The following GNG12 variants were observed in gnomAD, a reference collection of about 807,000 sequenced individuals.
GNG12 encodes the protein guanine nucleotide-binding protein G(I)/G(S)/G(O) subunit gamma-12.
For missense variants in GNG12, 69 were observed against 83.8 expected (o/e 0.82, Z 0.69); for synonymous variants, 28 against 29.7 (o/e 0.94, Z 0.19).
At chr1:67,736,823 C>T (rs1242071758) in intron 2 of GNG12, among the ~76,000 whole-genome samples, 1 of 152,196 alleles carries the variant, frequency 6.6e-6, no homozygotes, top group African/African-American at 2.4e-5. Flanking sequence ...TTCTAATCTG[C>T]TTCAGTTTCC....
intron 1 of GNG12, among the ~76,000 whole-genome samples, chr1:67,781,067 A>G (rs1207323786): frequency 6.6e-6 from 1 of 152,216 alleles, no homozygotes; most frequent in African/African-American, 2.4e-5. Flanking sequence ...ACAGTGAGAA[A>G]GGCAAAAAGT....
chr1:67,706,256 C>T (rs879290108), intron 3 of GNG12, among the ~76,000 whole-genome samples: 1 of 152,172 alleles, frequency 6.6e-6, no homozygotes, highest in African/African-American at 2.4e-5. Context: ...AAGGTTGTAT[C>T]TTAAATTCTA....
At chr1:67,766,101 C>T (rs1364894322) in intron 2 of GNG12, among the ~76,000 whole-genome samples, 1 of 133,658 alleles carries the variant, frequency 7.5e-6, no homozygotes, top group African/African-American at 3.3e-5. Flanking sequence ...AAACAAGGCA[C>T]ACACGCACAC....
At chr1:67,828,228 T>C (rs970038710) in intron 1 of GNG12, among the ~76,000 whole-genome samples, 2 of 152,218 alleles carry the variant, frequency 1.3e-5, no homozygotes, top group African/African-American at 4.8e-5. Context: ...TTAACTGCTA[T>C]GGCTAAAGAG....
intron 1 of GNG12, among the ~76,000 whole-genome samples, chr1:67,795,946 A>T (rs1646829115): frequency 6.6e-6 from 1 of 152,250 alleles, no homozygotes; most frequent in Non-Finnish European, 1.5e-5. Context: ...TGAACTCACA[A>T]GAATACTTTC....
At position 67,702,615 on chromosome 1, in the gene GNG12, A is replaced by T. The variant is rs1296159254; in HGVS notation, c.*2836T>A. On this transcript the variant is annotated 3_prime_UTR_variant, in exon 4 of 4. Coordinates refer to ENST00000370982, the MANE Select transcript of GNG12 (RefSeq NM_018841.6). Reference sequence around the variant, plus strand: ...AACCTGACATTTTTTAGAAGAAAAAAAAAAACTAGCTATGAGCCATCACTT... The same window carrying T: ...AACCTGACATTTTTTAGAAGAAAAATAAAAACTAGCTATGAGCCATCACTT... 1.3e-5 allele frequency: 2 copies of T among 152,150 alleles called. No homozygotes were observed. The highest frequency in any genetic ancestry group is 6.6e-5 in the Admixed American group (1 of 15,262). 9.4% of individuals were successfully genotyped at this position (152,150 alleles called of 1,614,324 possible). A position where few individuals can be genotyped will look rare whatever the true frequency, so the allele number is the denominator to read the frequency against.
rs1646807585 is a variant in GNG12, at chr1:67,792,564, T to C, written c.-76-15057A>G. 3.3e-5 allele frequency among the ~76,000 whole-genome samples: 5 copies of C among 152,224 alleles called. No homozygotes were observed. The South Asian group carries it at 1.0e-3, about 32-fold the overall frequency. ...CTGGCATGTTCTGTAGTCTTTTGCC[T>C]CTAACTAAAGCCTCAAGGCTTTATT... On this transcript the variant is annotated intron_variant, in intron 1 of 3. Coordinates refer to ENST00000370982, the MANE Select transcript of GNG12 (RefSeq NM_018841.6).
At chr1:67,740,397 T>C (rs1051394250) in intron 2 of GNG12, among the ~76,000 whole-genome samples, 1 of 152,222 alleles carries the variant, frequency 6.6e-6, no homozygotes, top group Non-Finnish European at 1.5e-5. Flanking sequence ...GTAAATAAAG[T>C]TGTATGAGAA....
intron 2 of GNG12, among the ~76,000 whole-genome samples, chr1:67,753,385 C>A (rs1178511889): frequency 1.3e-5 from 2 of 151,656 alleles, no homozygotes; most frequent in East Asian, 3.9e-4. Flanking sequence ...TGAAACACTT[C>A]TGGATCCAAG....
chr1:67,740,122 T>C (rs990008431), intron 2 of GNG12, among the ~76,000 whole-genome samples: 1 of 152,222 alleles, frequency 6.6e-6, no homozygotes, highest in Admixed American at 6.5e-5. Context: ...ATGTTTAGGA[T>C]ATTACATTAA....
chr1:67,829,561 T>C (rs1647031438), intron 1 of GNG12, among the ~76,000 whole-genome samples: 1 of 152,246 alleles, frequency 6.6e-6, no homozygotes, highest in Middle Eastern at 3.2e-3. Flanking sequence ...AATAATTTAA[T>C]GTTAACATTT....
At chr1:67,729,019 T>C (rs1448637223) in intron 2 of GNG12, among the ~76,000 whole-genome samples, 2 of 152,174 alleles carry the variant, frequency 1.3e-5, no homozygotes, top group Admixed American at 1.3e-4. Flanking sequence ...TTTGAACAAG[T>C]CCATCTTTTG....
At chr1:67,752,096 C>A (rs1156906888) in intron 2 of GNG12, among the ~76,000 whole-genome samples, 1 of 152,206 alleles carries the variant, frequency 6.6e-6, no homozygotes, top group African/African-American at 2.4e-5. Context: ...CAATTGATTA[C>A]GCTGACCCTT....
chr1:67,711,181 T>G (rs924384271), intron 2 of GNG12, among the ~76,000 whole-genome samples: 1 of 152,240 alleles, frequency 6.6e-6, no homozygotes, highest in Non-Finnish European at 1.5e-5. Flanking sequence ...TTTCTATGAA[T>G]ATTGTATAGC....
At chr1:67,804,599 ATTC>A (rs1432323415) in intron 1 of GNG12, among the ~76,000 whole-genome samples, 2 of 152,106 alleles carry the variant, frequency 1.3e-5, no homozygotes, top group Non-Finnish European at 2.9e-5. Context: ...AAAACCAACA[ATTC>A]TTCTTGGATG....
Position 67,705,591 on chromosome 1 carries a change from A to C in GNG12, c.94-15T>G. ...GCCTTCGAAACCTGACATGGAGATA[A>C]ATCAAACAAACAAGAAAGAAAATAT... On this transcript the variant is annotated splice_polypyrimidine_tract_variant and intron_variant, in intron 3 of 3. Transcript: ENST00000370982. 1 of 1,593,674 alleles carries C rather than the reference A, an allele frequency of 6.3e-7. No individual in the cohort carries two copies.
At chr1:67,802,276 T>C (rs536284289) in intron 1 of GNG12, among the ~76,000 whole-genome samples, 1 of 152,256 alleles carries the variant, frequency 6.6e-6, no homozygotes, top group Non-Finnish European at 1.5e-5. Context: ...AGATCAATAT[T>C]GTTTGCAGGA....
chr1:67,729,470 T>G (rs2100697577), intron 2 of GNG12, among the ~76,000 whole-genome samples: 1 of 152,304 alleles, frequency 6.6e-6, no homozygotes, highest in Middle Eastern at 3.4e-3. Flanking sequence ...GACCACCACC[T>G]TTGCCCACTC....
At chr1:67,714,541 G>A (rs899306576) in intron 2 of GNG12, among the ~76,000 whole-genome samples, 5 of 152,156 alleles carry the variant, frequency 3.3e-5, no homozygotes, top group African/African-American at 9.7e-5. Context: ...CTTGGTTTCC[G>A]AGTGTTTAGT....
Sources: gnomAD v4.1 joint callset for allele counts (sites outside exome capture counted in the v4.1 genomes callset) on GRCh38, gnomAD v4.1.1 for gene constraint, MANE v1.5 for transcripts, NCBI Gene and HGNC (gene_info 2026-07-23, HGNC 2026-07-21) for gene names.